Variants in SOX6 observed in about 807,000 individuals in gnomAD.
SOX6 encodes transcription factor SOX-6.
SOX6 carries 11 observed loss-of-function variants against 97.8 expected under a neutral mutation model. The observed-to-expected ratio is 0.11, with a 90% CI of 0.07 to 0.19. The LOEUF (loss-of-function observed/expected upper bound fraction) is 0.19. Among genes scored for constraint, SOX6 ranks in the 10% least tolerant of loss-of-function variants. SOX6 has a pLI of 1.00. For synonymous variants in SOX6, 360 were observed against 371.4 expected, an observed-to-expected ratio of 0.97 and a Z score of 0.35; for missense variants, 810 against 1,039.5, an observed-to-expected ratio of 0.78 and a Z score of 3.04.
intron 1 of SOX6, among the ~76,000 whole-genome samples, chr11:16,398,792 G>A (rs1257948587): frequency 2.9e-5 from 4 of 138,712 alleles, no homozygotes; most frequent in Non-Finnish European, 3.1e-5. Flanking sequence ...TTCATAACCA[G>A]AATTAAGGAA....
chr11:16,347,994 CAAG>C (rs1314556632), intron 1 of SOX6, among the ~76,000 whole-genome samples: 5 of 142,776 alleles, frequency 3.5e-5, no homozygotes, highest in African/African-American at 7.9e-5. Context: ...CAAAGACAGA[CAAG>C]AAGAAGAGAA....
intron 1 of SOX6, among the ~76,000 whole-genome samples, chr11:16,366,847 A>G (rs2134385986): frequency 6.6e-6 from 1 of 152,296 alleles, no homozygotes; most frequent in African/African-American, 2.4e-5. Context: ...TCATAACACA[A>G]GTGTAAGAGC....
chr11:15,988,550 G>A (rs774788560), intron 14 of SOX6, among the ~76,000 whole-genome samples: 14 of 152,180 alleles, frequency 9.2e-5, no homozygotes, highest in Non-Finnish European at 7.3e-5. Context: ...AATTCTTTCA[G>A]TGGGACATAT....
chr11:16,494,833 G>T (rs1296066271), intron 4 of SOX6, among the ~76,000 whole-genome samples: 1 of 152,172 alleles, frequency 6.6e-6, no homozygotes, highest in Non-Finnish European at 1.5e-5. Context: ...AGGGGAGCTT[G>T]TCAACCTTGG....
intron 4 of SOX6, among the ~76,000 whole-genome samples, chr11:16,517,474 T>A (rs1482824631): frequency 1.3e-5 from 2 of 152,226 alleles, no homozygotes; most frequent in Non-Finnish European, 2.9e-5. Context: ...GATGATAGAA[T>A]GAAAATTCTT....
Position 16,299,847 on chromosome 11 carries a change from A to G in SOX6, c.445+18599T>C, listed in dbSNP as rs1411644514. Among the ~76,000 whole-genome samples the G allele has an allele frequency of 2.0e-5, 3 of 152,222 alleles. No homozygotes were observed. The East Asian group carries it at 5.8e-4, about 29-fold the overall frequency. ...CAAAACATTTTGCAACACCATAAAAAGGAATACTTTCTTTTAAAAAAATCC... is the reference window on the plus strand; with the variant it reads ...CAAAACATTTTGCAACACCATAAAAGGGAATACTTTCTTTTAAAAAAATCC... On this transcript the variant is annotated intron_variant, in intron 3 of 15. Coordinates refer to ENST00000683767, the MANE Select transcript of SOX6 (RefSeq NM_001367873.1).
At chr11:16,559,082 T>G (rs1847779588) in intron 4 of SOX6, among the ~76,000 whole-genome samples, 1 of 152,026 alleles carries the variant, frequency 6.6e-6, no homozygotes, top group Admixed American at 6.6e-5. Context: ...GCAGTCTGAC[T>G]TCAATCACTG....
intron 4 of SOX6, among the ~76,000 whole-genome samples, chr11:16,561,964 C>T (rs529238165): frequency 6.6e-6 from 1 of 151,916 alleles, no homozygotes; most frequent in African/African-American, 2.4e-5. Flanking sequence ...TGACCTCAAA[C>T]TATCCACCCG....
intron 4 of SOX6, among the ~76,000 whole-genome samples, chr11:16,214,461 A>C (rs561833291): frequency 6.6e-6 from 1 of 152,160 alleles, no homozygotes; most frequent in African/African-American, 2.4e-5. Context: ...CTTGTTATCT[A>C]ATGCACAGGT....
intron 2 of SOX6, among the ~76,000 whole-genome samples, chr11:16,319,610 G>A (rs113824434): frequency 6.6e-6 from 1 of 150,474 alleles, no homozygotes; most frequent in African/African-American, 2.4e-5. Context: ...TTTTGTCCTT[G>A]CGATAGTTTG....
At chr11:16,497,968 G>A (rs1186872482) in intron 4 of SOX6, among the ~76,000 whole-genome samples, 1 of 152,106 alleles carries the variant, frequency 6.6e-6, no homozygotes, top group East Asian at 1.9e-4. Context: ...TACAGAGAAT[G>A]CCACAAAGAT....
intron 4 of SOX6, among the ~76,000 whole-genome samples, chr11:16,208,619 T>TC (rs1852135590): frequency 6.6e-6 from 1 of 152,246 alleles, no homozygotes; most frequent in Admixed American, 6.5e-5. Context: ...AGTGAGCTTT[T>TC]CACTTGAAGG....
intron 2 of SOX6, among the ~76,000 whole-genome samples, chr11:16,715,126 A>T (rs1159964263): frequency 6.6e-6 from 1 of 152,170 alleles, no homozygotes. Context: ...GTCCAACGGG[A>T]TAGCCAATAG....
chr11:16,150,801 G>A (rs1395158964), intron 6 of SOX6, among the ~76,000 whole-genome samples: 1 of 152,074 alleles, frequency 6.6e-6, no homozygotes, highest in Non-Finnish European at 1.5e-5. Context: ...AATTGTGTAT[G>A]ACTTTATTTA....
intron 2 of SOX6, among the ~76,000 whole-genome samples, chr11:16,719,415 C>T (rs1848242434): frequency 6.6e-6 from 1 of 151,978 alleles, no homozygotes; most frequent in Non-Finnish European, 1.5e-5. Flanking sequence ...TCAGATAATC[C>T]CTGGAGAGTC....
intron 4 of SOX6, among the ~76,000 whole-genome samples, chr11:16,493,406 T>C (rs1860540563): frequency 6.6e-6 from 1 of 152,182 alleles, no homozygotes; most frequent in South Asian, 2.1e-4. Flanking sequence ...TAAGCATGCA[T>C]GCTCTGGGGG....
At chr11:16,571,595 C>A (rs72859467) in intron 4 of SOX6, among the ~76,000 whole-genome samples, 15,762 of 151,720 alleles carry the variant, frequency 0.1, 1,030 homozygotes, top group Non-Finnish European at 0.16. Flanking sequence ...TGTACCCAGC[C>A]TCTACATTCA....
chr11:16,719,195 G>A (rs538318918), intron 2 of SOX6, among the ~76,000 whole-genome samples: 12 of 152,230 alleles, frequency 7.9e-5, no homozygotes, highest in Middle Eastern at 3.4e-3. Flanking sequence ...AGTTAAAACC[G>A]ATTCATTACA....
At chr11:16,720,163 T>C (rs1249307619) in intron 2 of SOX6, among the ~76,000 whole-genome samples, 2 of 151,654 alleles carry the variant, frequency 1.3e-5, no homozygotes, top group Admixed American at 6.6e-5. Context: ...GAACTAGAAA[T>C]ACCATTTGAC....
Sources: gnomAD v4.1 joint callset for allele counts (sites outside exome capture counted in the v4.1 genomes callset) on GRCh38, gnomAD v4.1.1 for gene constraint, MANE v1.5 for transcripts, NCBI Gene and HGNC (gene_info 2026-07-23, HGNC 2026-07-21) for gene names.